PHF24: variants seen among roughly 807,000 people sequenced by gnomAD.
PHF24 encodes PHD finger protein 24, also known as Galpha inhibitory interacting protein.
A neutral mutation model predicts 42.6 loss-of-function variants in PHF24; 25 were observed. That is an observed-to-expected ratio of 0.59 (90% CI 0.43 to 0.82). PHF24 has a LOEUF of 0.82. PHF24 is among the 40% of genes least tolerant of loss of function. PHF24 has a pLI of 0.00. For missense variants in PHF24, 470 were observed against 538.1 expected (o/e 0.87, Z 1.25); for synonymous variants, 185 against 204.8 (o/e 0.90, Z 0.83).
chr9:34,695,878 G>A, the PHF24 span, among the ~76,000 whole-genome samples: 4 of 152,166 alleles, frequency 2.6e-5, no homozygotes, highest in African/African-American at 9.6e-5. Flanking sequence ...GCAGTACCAG[G>A]ACATAGATTC....
chr9:34,678,351 G>A, the PHF24 span: 1 of 57,526 alleles, frequency 1.7e-5, no homozygotes, highest in Non-Finnish European at 3.5e-5. Flanking sequence ...TTTTTTTTTT[G>A]GAATGACGTT....
At chr9:34,818,025 G>A in the PHF24 span, among the ~76,000 whole-genome samples, 1 of 152,068 alleles carries the variant, frequency 6.6e-6, no homozygotes. Context: ...ATATATGACT[G>A]ATTATTGCAT....
At chr9:34,707,371 C>A in the PHF24 span, among the ~76,000 whole-genome samples, 1 of 152,130 alleles carries the variant, frequency 6.6e-6, no homozygotes, top group Non-Finnish European at 1.5e-5. Flanking sequence ...GTTTCTGTGA[C>A]CTTTGCATAA....
At chr9:34,956,786 C>T (rs1488475547), upstream of PHF24, among the ~76,000 whole-genome samples, 1 of 152,198 alleles carries the variant, frequency 6.6e-6, no homozygotes, top group Non-Finnish European at 1.5e-5. Context: ...GTGCTAGTTT[C>T]ACAACAAGCA....
At chr9:34,880,634 A>T in the PHF24 span, among the ~76,000 whole-genome samples, 88 of 152,336 alleles carry the variant, frequency 5.8e-4, no homozygotes, top group African/African-American at 1.9e-3. Context: ...TGGTAAAGAG[A>T]TCAGTTCAAC....
At chr9:34,951,355 A>G in the PHF24 span, among the ~76,000 whole-genome samples, 6 of 152,218 alleles carry the variant, frequency 3.9e-5, no homozygotes, top group Non-Finnish European at 7.3e-5. Context: ...CTTTGCAGAT[A>G]TGATTAAGTT....
chr9:34,845,783 T>G, the PHF24 span, among the ~76,000 whole-genome samples: 1 of 123,988 alleles, frequency 8.1e-6, no homozygotes, highest in Non-Finnish European at 1.6e-5. Context: ...CAGAGTGTGA[T>G]GTTCCCCTTC....
chr9:34,900,372 G>A, the PHF24 span, among the ~76,000 whole-genome samples: 2 of 152,182 alleles, frequency 1.3e-5, no homozygotes, highest in African/African-American at 2.4e-5. Context: ...GCTGAGGTGG[G>A]TGGATCACTT....
chr9:34,930,320 G>T, the PHF24 span, among the ~76,000 whole-genome samples: 1 of 152,200 alleles, frequency 6.6e-6, no homozygotes, highest in Non-Finnish European at 1.5e-5. Context: ...TCCCATTTGG[G>T]TGTGTCTGAA....
the PHF24 span, among the ~76,000 whole-genome samples, chr9:34,735,424 C>T: frequency 1.3e-3 from 190 of 151,610 alleles, no homozygotes; most frequent in East Asian, 5.1e-3. Context: ...CGTGAGCCAC[C>T]GCACCCGGCC....
chr9:34,728,152 G>A, the PHF24 span: 1 of 1,404,602 alleles, frequency 7.1e-7, no homozygotes, highest in Non-Finnish European at 9.8e-7. Flanking sequence ...AAGCTGAATA[G>A]TAAGGCCTTT....
At chr9:34,836,235 G>A in the PHF24 span, among the ~76,000 whole-genome samples, 1 of 152,160 alleles carries the variant, frequency 6.6e-6, no homozygotes, top group African/African-American at 2.4e-5. Flanking sequence ...TGGTGGGCTG[G>A]GGGTTAGGAC....
At chr9:34,794,036 G>A in the PHF24 span, among the ~76,000 whole-genome samples, 4 of 151,824 alleles carry the variant, frequency 2.6e-5, no homozygotes, top group African/African-American at 9.7e-5. Context: ...ATAAATATTG[G>A]GGAGATTGCA....
chr9:34,826,077 G>T, the PHF24 span, among the ~76,000 whole-genome samples: 1 of 152,092 alleles, frequency 6.6e-6, no homozygotes, highest in Non-Finnish European at 1.5e-5. Context: ...GGAAAGGGGG[G>T]TAGTTGGCAG....
chr9:34,768,897 G>GGA, the PHF24 span, among the ~76,000 whole-genome samples: 28,931 of 150,268 alleles, frequency 0.19, 3,156 homozygotes, highest in African/African-American at 0.3. Flanking sequence ...GTAGGTGGGG[G>GGA]GAGAGAGAGA....
At chr9:34,748,916 A>T in the PHF24 span, among the ~76,000 whole-genome samples, 1 of 152,178 alleles carries the variant, frequency 6.6e-6, no homozygotes, top group Non-Finnish European at 1.5e-5. Flanking sequence ...CAGACAGAGA[A>T]TTCAAAATAG....
the PHF24 span, chr9:34,725,725 T>C: frequency 1.6e-5 from 25 of 1,547,244 alleles, no homozygotes; most frequent in South Asian, 2.0e-4. Flanking sequence ...TCTGAGCTCG[T>C]TGATGGTCAG....
the PHF24 span, among the ~76,000 whole-genome samples, chr9:34,841,406 G>C: frequency 6.6e-6 from 1 of 152,102 alleles, no homozygotes; most frequent in Non-Finnish European, 1.5e-5. Flanking sequence ...AGTGAATGTT[G>C]GTTTACAAGT....
the PHF24 span, among the ~76,000 whole-genome samples, chr9:34,884,559 C>T: frequency 6.6e-6 from 1 of 152,112 alleles, no homozygotes; most frequent in South Asian, 2.1e-4. Context: ...GAGGATGAGA[C>T]TCAGAGCATG....
Sources: allele counts gnomAD v4.1 joint callset (sites outside exome capture counted in the v4.1 genomes callset), GRCh38; gene constraint gnomAD v4.1.1; transcripts MANE v1.5; gene names NCBI Gene and HGNC (gene_info 2026-07-23, HGNC 2026-07-21).